MYO3A: variants seen among roughly 807,000 people sequenced by gnomAD.
MYO3A encodes the protein myosin-IIIa.
Under a neutral mutation model 192.7 loss-of-function variants are expected in MYO3A, and 180 were observed. The observed-to-expected ratio is 0.93, with a 90% CI of 0.83 to 1.06. MYO3A has a LOEUF of 1.06. MYO3A is among the 50% of genes least tolerant of loss of function. MYO3A has a pLI of 0.00. For synonymous variants in MYO3A, 628 were observed against 645.3 expected (o/e 0.97, Z 0.41); for missense variants, 1,896 against 1,905.0 (o/e 1.00, Z 0.09).
At chr10:26,018,836 T>C (rs1028367938) in intron 7 of MYO3A, among the ~76,000 whole-genome samples, 2 of 152,176 alleles carry the variant, frequency 1.3e-5, no homozygotes, top group African/African-American at 4.8e-5. Flanking sequence ...TGTAAATTCA[T>C]GAAATAATGT....
intron 18 of MYO3A, among the ~76,000 whole-genome samples, chr10:26,124,378 G>A (rs919575035): frequency 1.8e-4 from 27 of 151,964 alleles, no homozygotes; most frequent in African/African-American, 6.3e-4. Flanking sequence ...GCAAATTAAA[G>A]CATATTTACA....
At chr10:26,203,464 T>C (rs551066511) in intron 34 of MYO3A, among the ~76,000 whole-genome samples, 1 of 152,336 alleles carries the variant, frequency 6.6e-6, no homozygotes, top group African/African-American at 2.4e-5. Context: ...ATCAAAGTAA[T>C]TTTAATTACT....
intron 6 of MYO3A, among the ~76,000 whole-genome samples, chr10:26,014,179 C>T (rs150523624): frequency 1.7e-4 from 26 of 152,100 alleles, no homozygotes; most frequent in East Asian, 7.7e-4. Context: ...GTACAGCATA[C>T]GCCACTAGGG....
intron 17 of MYO3A, among the ~76,000 whole-genome samples, chr10:26,110,396 T>C (rs1250819859): frequency 6.6e-6 from 1 of 152,148 alleles, no homozygotes; most frequent in Non-Finnish European, 1.5e-5. Context: ...TCTGAGGGCT[T>C]TTGGAGAAGC....
rs1157429161 is a variant in MYO3A at position 26,212,070 on chromosome 10, C to T, written c.*107C>T. 12 of 1,452,368 alleles carry T rather than the reference C, an allele frequency of 8.3e-6. No homozygotes were observed. The South Asian group carries it at 1.2e-4, about 15-fold the overall frequency. 90.0% of individuals were successfully genotyped at this position (1,452,368 alleles called of 1,614,324 possible). On this transcript the variant is annotated 3_prime_UTR_variant, in exon 35 of 35. Transcript: ENST00000642920. ...GCACCAGCAGGCACTGAAGCTGCGG[C>T]CCTGATCTCCGCAGAGGCTGCCTGC...
chr10:26,147,597 C>T (rs1481000719), intron 23 of MYO3A, 38 bp downstream of exon 23: 1 of 1,613,124 alleles, frequency 6.2e-7, no homozygotes, highest in African/African-American at 1.3e-5. Flanking sequence ...TTTCTGAAGC[C>T]CAATCAAATA....
chr10:26,149,620 T>G (rs1375535705), intron 23 of MYO3A, among the ~76,000 whole-genome samples: 6 of 150,078 alleles, frequency 4.0e-5, no homozygotes, highest in Admixed American at 1.3e-4. Context: ...CCTTTTTTTT[T>G]GTTATTTTTT....
chr10:25,964,075 T>A (rs1838111743), intron 4 of MYO3A, among the ~76,000 whole-genome samples: 1 of 152,122 alleles, frequency 6.6e-6, no homozygotes. Context: ...TATCATAGAT[T>A]TATTGTTGAT....
At chr10:26,171,418 C>T (rs1390258783) in intron 29 of MYO3A, among the ~76,000 whole-genome samples, 2 of 152,152 alleles carry the variant, frequency 1.3e-5, no homozygotes, top group Non-Finnish European at 2.9e-5. Flanking sequence ...CTTCACCCAC[C>T]GCTATTCTCT....
chr10:26,138,993 C>T (rs958289471), intron 20 of MYO3A, among the ~76,000 whole-genome samples: 12 of 152,160 alleles, frequency 7.9e-5, no homozygotes, highest in South Asian at 2.1e-4. Context: ...CTTCACAAAT[C>T]GTCAGCAACA....
intron 2 of MYO3A, among the ~76,000 whole-genome samples, chr10:25,941,895 G>A (rs183454465): frequency 6.9e-4 from 105 of 152,102 alleles, no homozygotes; most frequent in Non-Finnish European, 1.2e-3. Context: ...TCAACATAAC[G>A]TCTTCTCGGC....
intron 14 of MYO3A, among the ~76,000 whole-genome samples, chr10:26,073,552 C>A (rs903348400): frequency 4.6e-5 from 2 of 43,422 alleles, no homozygotes; most frequent in African/African-American, 1.2e-4. Flanking sequence ...GAGATTGCGC[C>A]ACTGCACTCC....
intron 32 of MYO3A, 151 bp downstream of exon 32, chr10:26,193,462 G>A (rs1843252923): frequency 1.5e-6 from 1 of 678,750 alleles, no homozygotes; most frequent in East Asian, 2.7e-5. Context: ...CCCTGGCTGG[G>A]GATCTGGGCA....
chr10:25,973,835 T>C (rs1838808535), intron 4 of MYO3A, among the ~76,000 whole-genome samples: 1 of 152,140 alleles, frequency 6.6e-6, no homozygotes, highest in Admixed American at 6.5e-5. Flanking sequence ...AAACAAGCAA[T>C]GGAGAAAGGA....
Position 26,212,171 on chromosome 10 carries a change from C to T in MYO3A, c.*208C>T. Reference sequence around the variant, plus strand: ...GACCTGGGAGCCCTCGGGAAACCTCCCCCGACGCTCTCTCTCGGAACTCCC... The same window carrying T: ...GACCTGGGAGCCCTCGGGAAACCTCTCCCGACGCTCTCTCTCGGAACTCCC... On this transcript the variant is annotated 3_prime_UTR_variant, in exon 35 of 35. Transcript: ENST00000642920. 1.5e-6 allele frequency: 1 copy of T among 668,732 alleles called. No individual in the cohort carries two copies. The highest frequency in any genetic ancestry group is 2.4e-6 in the Non-Finnish European group (1 of 418,564). The allele number at this position is 668,732 out of a possible 1,614,324, so 41.4% of individuals were successfully genotyped here.
intron 10 of MYO3A, among the ~76,000 whole-genome samples, chr10:26,048,113 G>A (rs1288956556): frequency 1.3e-5 from 2 of 152,168 alleles, no homozygotes; most frequent in African/African-American, 2.4e-5. Context: ...AAGGACAGTA[G>A]TGTAGTTTTA....
chr10:26,193,288 T>G lies in MYO3A; in HGVS notation c.4522T>G (p.Ser1508Ala). 1 of 1,613,306 alleles carries G rather than the reference T, an allele frequency of 6.2e-7. No individual in the cohort carries two copies. The highest frequency in any genetic ancestry group is 1.1e-5 in the South Asian group (1 of 91,004). ...CAAAACATTAAATAACCCTGAAGAC[T>G]CCACATACTATTATCTACTTCATGT... ...KPKTLNNPED[S>A]TYYYLLHKSI... The change falls in exon 32 of 35, where the codon TCC (serine) becomes GCC (alanine). Residue 1508 changes from serine to alanine, a missense_variant. Physicochemically the swap from Ser to Ala is moderately conservative, Grantham distance 99. Coordinates refer to ENST00000642920, the MANE Select transcript of MYO3A (RefSeq NM_017433.5).
At chr10:26,175,085 G>A (rs1055530798) in intron 30 of MYO3A, among the ~76,000 whole-genome samples, 6 of 152,196 alleles carry the variant, frequency 3.9e-5, no homozygotes, top group Non-Finnish European at 8.8e-5. Flanking sequence ...AAAAAACGCA[G>A]AGAAAAGTTC....
At chr10:26,026,589 GT>G in intron 10 of MYO3A, 57 bp downstream of exon 10, 1 of 1,591,066 alleles carries the variant, frequency 6.3e-7, no homozygotes, top group Non-Finnish European at 8.6e-7. Context: ...ATTTTGAACA[GT>G]TTAACAATGT....
Sources: gnomAD v4.1 joint callset for allele counts (sites outside exome capture counted in the v4.1 genomes callset) on GRCh38, gnomAD v4.1.1 for gene constraint, MANE v1.5 for transcripts, NCBI Gene and HGNC (gene_info 2026-07-23, HGNC 2026-07-21) for gene names.